GATAD2B: variants seen among roughly 807,000 people sequenced by gnomAD.
GATAD2B encodes the protein GATA zinc finger domain containing 2B.
Under a neutral mutation model 64.3 loss-of-function variants are expected in GATAD2B, and 8 were observed. The observed-to-expected ratio is 0.12, with a 90% CI of 0.07 to 0.22. The LOEUF (loss-of-function observed/expected upper bound fraction) is 0.22. Ranked by LOEUF, GATAD2B falls within the 10% of genes least tolerant of loss-of-function variation. The pLI is 1.00. For missense variants in GATAD2B, 453 were observed against 752.0 expected, an observed-to-expected ratio of 0.60 and a Z score of 4.65; for synonymous variants, 281 against 271.3, an observed-to-expected ratio of 1.04 and a Z score of -0.35.
At chr1:153,885,275 A>C (rs1316174699) in intron 1 of GATAD2B, among the ~76,000 whole-genome samples, 2 of 152,152 alleles carry the variant, frequency 1.3e-5, no homozygotes, top group Admixed American at 6.6e-5. Flanking sequence ...GGATTAAAGA[A>C]AATATTAGCC....
chr1:153,875,571 A>T (rs564337246), intron 1 of GATAD2B, among the ~76,000 whole-genome samples: 48 of 151,658 alleles, frequency 3.2e-4, no homozygotes, highest in African/African-American at 1.1e-3. Flanking sequence ...TTTGTAAGCA[A>T]GTGGGTGTGG....
intron 1 of GATAD2B, among the ~76,000 whole-genome samples, chr1:153,900,640 C>G (rs1677738580): frequency 6.6e-6 from 1 of 152,144 alleles, no homozygotes; most frequent in South Asian, 2.1e-4. Flanking sequence ...CTTAGCCTCT[C>G]CCAAGTAGTT....
At position 153,809,958 on chromosome 1, in the gene GATAD2B, C is replaced by A; in HGVS notation, c.*219G>T. ...AGAAAACTGAAGAGAGAAGACAGAG[C>A]GGCAGAAGAACAGATCGCAGCAGTG... On this transcript the variant is annotated 3_prime_UTR_variant, in exon 11 of 11. Transcript: ENST00000368655. The A allele has an allele frequency of 2.1e-6, 1 of 465,290 alleles. No homozygotes were observed. Among genetic ancestry groups the A allele is most frequent in the Non-Finnish European group, 3.8e-6 (1 of 264,284 alleles). 28.8% of individuals were successfully genotyped at this position (465,290 alleles called of 1,614,324 possible).
chr1:153,922,910 A>C lies in GATAD2B; in HGVS notation c.-179T>G, dbSNP rs988737132. 1 of 155,198 alleles carries C rather than the reference A, an allele frequency of 6.4e-6. No individual in the cohort carries two copies. Among genetic ancestry groups the C allele is most frequent in the African/African-American group, 2.4e-5 (1 of 41,316 alleles). The allele number at this position is 155,198 out of a possible 1,614,324, so 9.6% of individuals were successfully genotyped here. A position where few individuals can be genotyped will look rare whatever the true frequency, so the allele number is the denominator to read the frequency against. On this transcript the variant is annotated 5_prime_UTR_variant, in exon 1 of 11. Coordinates refer to ENST00000368655, the MANE Select transcript of GATAD2B (RefSeq NM_020699.4). ...GCGGGCGGAGCAGACACTGCGGTAC[A>C]GACGGGGGCAGCGGCGGCGGCGACG...
At chr1:153,907,830 A>C (rs1192739087) in intron 1 of GATAD2B, among the ~76,000 whole-genome samples, 1 of 151,490 alleles carries the variant, frequency 6.6e-6, no homozygotes, top group African/African-American at 2.4e-5. Context: ...TTTGAGATGG[A>C]GTTTTGCTCT....
At chr1:153,869,894 A>T (rs890784070) in intron 1 of GATAD2B, among the ~76,000 whole-genome samples, 16 of 152,162 alleles carry the variant, frequency 1.1e-4, no homozygotes, top group African/African-American at 3.6e-4. Flanking sequence ...TGGGAGGCTG[A>T]GGCGGCAGAT....
At chr1:153,921,301 G>A (rs1443235624) in intron 1 of GATAD2B, among the ~76,000 whole-genome samples, 7 of 152,184 alleles carry the variant, frequency 4.6e-5, no homozygotes, top group African/African-American at 1.7e-4. Flanking sequence ...GAGACTAGAT[G>A]GCTGGAGGAC....
chr1:153,877,825 C>G (rs1157256497), intron 1 of GATAD2B, among the ~76,000 whole-genome samples: 1 of 149,874 alleles, frequency 6.7e-6, no homozygotes, highest in East Asian at 2.0e-4. Flanking sequence ...CTGCAGTGAG[C>G]TGAGATCATG....
intron 1 of GATAD2B, among the ~76,000 whole-genome samples, chr1:153,849,799 G>A (rs1239031073): frequency 1.3e-5 from 2 of 151,676 alleles, no homozygotes; most frequent in Non-Finnish European, 2.9e-5. Flanking sequence ...CCCAGCTAAT[G>A]TTTTGTATTT....
chr1:153,871,952 A>T (rs1676680759), intron 1 of GATAD2B, among the ~76,000 whole-genome samples: 1 of 152,110 alleles, frequency 6.6e-6, no homozygotes, highest in Non-Finnish European at 1.5e-5. Context: ...CCTGTCTCAA[A>T]AAATAAATTA....
At chr1:153,860,929 C>CGTGAG (rs1676259077) in intron 1 of GATAD2B, among the ~76,000 whole-genome samples, 1 of 152,166 alleles carries the variant, frequency 6.6e-6, no homozygotes. Flanking sequence ...AACCACGGGG[C>CGTGAG]CCAGCCCATT....
rs193065902 is a variant in GATAD2B, at chr1:153,865,454, C to G, written c.-1-37106G>C. Reference sequence around the variant, plus strand: ...CCAGCCTAGGTGACAGAGTGAGACTCCATCTCAAAAACAAATAATTTAAAA... The same window carrying G: ...CCAGCCTAGGTGACAGAGTGAGACTGCATCTCAAAAACAAATAATTTAAAA... On this transcript the variant is annotated intron_variant, in intron 1 of 10. Transcript: ENST00000368655. 2.7e-3 allele frequency among the ~76,000 whole-genome samples: 404 copies of G among 152,130 alleles called. 5 individuals carry two copies. Among genetic ancestry groups the G allele is most frequent in the Middle Eastern group, 0.017 (5 of 294 alleles).
chr1:153,852,412 G>A (rs1675931396), intron 1 of GATAD2B: 1 of 786,596 alleles, frequency 1.3e-6, no homozygotes, highest in South Asian at 1.4e-5. Context: ...TGGTCATCAT[G>A]GATGTTGGAC....
chr1:153,882,668 G>A (rs1677042842), intron 1 of GATAD2B, among the ~76,000 whole-genome samples: 1 of 152,114 alleles, frequency 6.6e-6, no homozygotes, highest in Non-Finnish European at 1.5e-5. Context: ...CCACTTTCCT[G>A]TGTCATAGCT....
At chr1:153,817,935 C>T (rs995058224) in intron 5 of GATAD2B, 105 bp downstream of exon 5, 5 of 984,464 alleles carry the variant, frequency 5.1e-6, no homozygotes, top group Non-Finnish European at 7.4e-6. Context: ...AGTAATAACA[C>T]CTCTATCATG....
chr1:153,867,936 C>T (rs766167077), intron 1 of GATAD2B, among the ~76,000 whole-genome samples: 14 of 150,754 alleles, frequency 9.3e-5, no homozygotes, highest in Non-Finnish European at 1.6e-4. Flanking sequence ...CAGTGGCTCA[C>T]GCCTATAATC....
At chr1:153,895,993 T>TAAAA (rs376526598) in intron 1 of GATAD2B, among the ~76,000 whole-genome samples, 1 of 128,634 alleles carries the variant, frequency 7.8e-6, no homozygotes, top group South Asian at 2.6e-4. Flanking sequence ...GACTCTGTCT[T>TAAAA]AAAAAAAAAA....
chr1:153,852,117 A>G (rs1675918052), intron 1 of GATAD2B: 1 of 639,174 alleles, frequency 1.6e-6, no homozygotes, highest in Non-Finnish European at 2.8e-6. Flanking sequence ...TTTTGTGCTC[A>G]GATCGCTGGG....
intron 1 of GATAD2B, among the ~76,000 whole-genome samples, chr1:153,840,486 C>T (rs974648180): frequency 2.6e-5 from 4 of 151,788 alleles, no homozygotes; most frequent in East Asian, 1.9e-4. Context: ...TACAGGCATG[C>T]GCCACCACGC....
Sources: allele counts gnomAD v4.1 joint callset (sites outside exome capture counted in the v4.1 genomes callset), GRCh38; gene constraint gnomAD v4.1.1; transcripts MANE v1.5; gene names NCBI Gene and HGNC (gene_info 2026-07-23, HGNC 2026-07-21).